The following PCDH10 variants were observed in gnomAD, a reference collection of about 807,000 sequenced individuals.
PCDH10 encodes the protein protocadherin 10.
PCDH10 carries 15 observed loss-of-function variants against 74.4 expected under a neutral mutation model. The observed-to-expected ratio is 0.20, with a 90% CI of 0.13 to 0.31. PCDH10 has a LOEUF of 0.31. PCDH10 is among the 10% of genes least tolerant of loss of function. PCDH10 has a pLI of 1.00. For synonymous variants in PCDH10, 619 were observed against 589.8 expected (o/e 1.05, Z -0.72); for missense variants, 1,260 against 1,390.2 (o/e 0.91, Z 1.49).
intron 2 of PCDH10, among the ~76,000 whole-genome samples, chr4:133,205,454 C>T (rs978740470): frequency 6.6e-6 from 1 of 152,112 alleles, no homozygotes; most frequent in African/African-American, 2.4e-5. Context: ...GAGAGAATCT[C>T]TTTGTGATTA....
intron 2 of PCDH10, among the ~76,000 whole-genome samples, chr4:133,200,935 C>T (rs562677288): frequency 1.3e-5 from 2 of 152,074 alleles, no homozygotes; most frequent in East Asian, 1.9e-4. Flanking sequence ...TCACCCATAA[C>T]GATGATTCTC....
intron 4 of PCDH10, chr4:133,164,079 A>T (rs1476621814): frequency 2.2e-6 from 1 of 452,554 alleles, no homozygotes; most frequent in East Asian, 7.0e-5. Context: ...TTTATGAAGG[A>T]TTGTTTTCAG....
intron 4 of PCDH10, among the ~76,000 whole-genome samples, chr4:133,176,908 C>A (rs1209851870): frequency 6.6e-6 from 1 of 151,874 alleles, no homozygotes; most frequent in African/African-American, 2.4e-5. Flanking sequence ...ATTTTTATTT[C>A]AGTATAGGAA....
Position 133,153,062 on chromosome 4 carries a change from A to T in PCDH10, c.2631+291A>T, listed in dbSNP as rs1223334792. On this transcript the variant is annotated intron_variant, in intron 1 of 4. Transcript: ENST00000264360. The stretch of plus-strand genomic sequence containing the variant: ...CCTGTCAGTCCTTTCCCTTCTCAGT[A>T]ACCTGGGCATGAAGGGAAACTGCGT... The T allele has an allele frequency of 2.9e-6, 4 of 1,370,186 alleles. No individual in the cohort carries two copies. The East Asian group carries it at 1.1e-4, about 38-fold the overall frequency. 84.9% of individuals were successfully genotyped at this position (1,370,186 alleles called of 1,614,324 possible). A position where few individuals can be genotyped will look rare whatever the true frequency, so the allele number is the denominator to read the frequency against.
Position 133,162,983 on chromosome 4 carries a change from A to C in PCDH10, c.2804A>C (p.Asp935Ala). ...TTCTGTTTTCTGCTTACAGGTATGG[A>C]TCTCTTCTCCAATTGCACTGAGGAA... ...ATNRAQSAGM[D>A]LFSNCTEECK... The change falls in exon 4 of 5, where the codon GAT (aspartate) becomes GCT (alanine). Residue 935 changes from aspartate to alanine, a missense_variant. Coordinates refer to ENST00000264360, the MANE Select transcript of PCDH10 (RefSeq NM_032961.3). The C allele has an allele frequency of 6.2e-7, 1 of 1,610,120 alleles. No homozygotes were observed. The highest frequency in any genetic ancestry group is 8.5e-7 in the Non-Finnish European group (1 of 1,176,900).
intron 4 of PCDH10, among the ~76,000 whole-genome samples, chr4:133,189,644 A>G (rs1032626432): frequency 3.3e-5 from 5 of 152,102 alleles, no homozygotes; most frequent in African/African-American, 1.2e-4. Context: ...AGAAAATGTG[A>G]GTCATCTTTA....
At chr4:133,165,000 A>G (rs1323343590) in intron 4 of PCDH10, among the ~76,000 whole-genome samples, 2 of 147,708 alleles carry the variant, frequency 1.4e-5, no homozygotes, top group Non-Finnish European at 3.0e-5. Flanking sequence ...ATATATACAC[A>G]TATATTCATA....
chr4:133,198,184 G>A (rs944505553), downstream of PCDH10, among the ~76,000 whole-genome samples: 2 of 151,996 alleles, frequency 1.3e-5, no homozygotes, highest in African/African-American at 2.4e-5. Context: ...TTTTCAACCC[G>A]TGCAATCAAT....
At chr4:133,184,767 T>C (rs950044973) in intron 4 of PCDH10, among the ~76,000 whole-genome samples, 57 of 47,868 alleles carry the variant, frequency 1.2e-3, no homozygotes, top group Non-Finnish European at 1.9e-3. Context: ...TATGTGTAAA[T>C]ATATAAATAT....
At chr4:133,168,295 A>T in intron 4 of PCDH10, among the ~76,000 whole-genome samples, 1 of 148,940 alleles carries the variant, frequency 6.7e-6, no homozygotes, top group South Asian at 2.1e-4. Flanking sequence ...TCTGTAAGCA[A>T]TTTTTTTTTT....
At chr4:133,201,703 A>T (rs2125877784) in intron 2 of PCDH10, among the ~76,000 whole-genome samples, 1 of 152,046 alleles carries the variant, frequency 6.6e-6, no homozygotes, top group South Asian at 2.1e-4. Context: ...CTAAAAATAC[A>T]AAATTAGCCG....
At chr4:133,173,642 A>C (rs1727239963) in intron 4 of PCDH10, among the ~76,000 whole-genome samples, 1 of 151,284 alleles carries the variant, frequency 6.6e-6, no homozygotes. Flanking sequence ...CATTGGTTTC[A>C]TTTCCCTCCC....
intron 4 of PCDH10, among the ~76,000 whole-genome samples, chr4:133,164,461 A>G (rs555203490): frequency 6.6e-6 from 1 of 152,186 alleles, no homozygotes; most frequent in South Asian, 2.1e-4. Flanking sequence ...CTAAGAATGT[A>G]CATTATAGAA....
At chr4:133,164,028 T>C (rs2125863568) in intron 4 of PCDH10, 1 of 456,104 alleles carries the variant, frequency 2.2e-6, no homozygotes, top group Admixed American at 2.4e-5. Context: ...GAATGGTCTT[T>C]TATTAGATGC....
At position 133,150,644 on chromosome 4, in the gene PCDH10, C is replaced by A. The variant is rs369955619; in HGVS notation, c.504C>A (p.Ser168=). The part of the protein sequence containing the change: ...DYEITPNSYF[S]LDVQTQGDGN... ...AGATCACCCCCAACAGCTACTTCTCCCTGGACGTGCAGACCCAGGGGGATG... is the reference window on the plus strand; with the variant it reads ...AGATCACCCCCAACAGCTACTTCTCACTGGACGTGCAGACCCAGGGGGATG... Residue 168 remains serine, a synonymous_variant, in exon 1 of 5, where the codon TCC becomes TCA. Coordinates refer to ENST00000264360, the MANE Select transcript of PCDH10 (RefSeq NM_032961.3). 1.6e-5 allele frequency: 26 copies of A among 1,613,168 alleles called. No homozygotes were observed. Among genetic ancestry groups the A allele is most frequent in the East Asian group, 2.2e-5 (1 of 44,846 alleles).
At chr4:133,205,284 GA>G (rs1328276566) in intron 2 of PCDH10, among the ~76,000 whole-genome samples, 5 of 152,176 alleles carry the variant, frequency 3.3e-5, no homozygotes, top group Non-Finnish European at 7.4e-5. Context: ...AACACTTGAA[GA>G]ATTAAGGACT....
chr4:133,197,969 T>TTGTGTGTGTGTG (rs70957500), downstream of PCDH10, among the ~76,000 whole-genome samples: 187 of 145,024 alleles, frequency 1.3e-3, 1 homozygote, highest in African/African-American at 3.3e-3. Context: ...TCTCTCAAAA[T>TTGTGTGTGTGTG]TGTGTGTGTG....
chr4:133,204,261 C>T (rs896614727), intron 2 of PCDH10, among the ~76,000 whole-genome samples: 9 of 152,096 alleles, frequency 5.9e-5, no homozygotes, highest in Admixed American at 5.2e-4. Context: ...CGGTCCCCTC[C>T]CTTTCTACAA....
In PCDH10 at chr4:133,157,736, A is replaced by C. The variant is rs550852278; in HGVS notation, c.2797+2713A>C. Among the ~76,000 whole-genome samples, 107 of 152,104 alleles carry C rather than the reference A, an allele frequency of 7.0e-4. No homozygotes were observed. In the South Asian group the frequency reaches 0.021, roughly 29 times the overall value. On this transcript the variant is annotated intron_variant, in intron 3 of 4. Coordinates refer to ENST00000264360, the MANE Select transcript of PCDH10 (RefSeq NM_032961.3). ...TCTTTATTCCTATTTCTTTTTCTAC[A>C]TTAACATTATTCTGTATTATTTATT...
Sources: allele counts gnomAD v4.1 joint callset (sites outside exome capture counted in the v4.1 genomes callset), GRCh38; gene constraint gnomAD v4.1.1; transcripts MANE v1.5; gene names NCBI Gene and HGNC (gene_info 2026-07-23, HGNC 2026-07-21).